The following ABL2 variants were observed in gnomAD, a reference collection of about 807,000 sequenced individuals.
The protein encoded by ABL2 is tyrosine-protein kinase ABL2.
Under a neutral mutation model 107.7 loss-of-function variants are expected in ABL2, and 49 were observed. The observed-to-expected ratio is 0.45, with a 90% CI of 0.36 to 0.58. ABL2 has a LOEUF of 0.58. ABL2 is among the 20% of genes least tolerant of loss of function. The pLI is 0.00. For synonymous variants in ABL2, 549 were observed against 548.6 expected (o/e 1.00, Z -0.01); for missense variants, 1,245 against 1,457.0 (o/e 0.85, Z 2.37).
rs558176672 is a variant in ABL2, at chr1:179,122,021, G to A, written c.688-154C>T. Among the ~76,000 whole-genome samples the A allele has an allele frequency of 3.8e-4, 55 of 143,710 alleles. 1 individual carries two copies. The highest frequency in any genetic ancestry group is 2.8e-4 in the Non-Finnish European group (19 of 67,000). 94.3% of individuals were successfully genotyped at this position (143,710 alleles called of 152,430 possible). A position where few individuals can be genotyped will look rare whatever the true frequency, so the allele number is the denominator to read the frequency against. On this transcript the variant is annotated intron_variant, in intron 4 of 11. Coordinates refer to ENST00000502732, the MANE Select transcript of ABL2 (RefSeq NM_007314.4). ...GCTCACTGCAAGCTCCGCCTCCCGGGTTCACGCCATTCTCCTGCCTCAGCC... is the reference window on the plus strand; with the variant it reads ...GCTCACTGCAAGCTCCGCCTCCCGGATTCACGCCATTCTCCTGCCTCAGCC...
intron 8 of ABL2, among the ~76,000 whole-genome samples, chr1:179,116,163 C>G (rs962822713): frequency 6.6e-6 from 1 of 152,190 alleles, no homozygotes; most frequent in Non-Finnish European, 1.5e-5. Context: ...CATTTGAGGT[C>G]AGGAGTTCGA....
chr1:179,227,024 C>G (rs1663255748), intron 1 of ABL2, among the ~76,000 whole-genome samples: 1 of 152,148 alleles, frequency 6.6e-6, no homozygotes. Context: ...CTTGAAATTA[C>G]TCCTCCCATT....
At chr1:179,226,401 C>G (rs1184903468) in intron 1 of ABL2, among the ~76,000 whole-genome samples, 1 of 150,968 alleles carries the variant, frequency 6.6e-6, no homozygotes, top group African/African-American at 2.4e-5. Flanking sequence ...CTCCACCTCC[C>G]GGGTTCAAGC....
chr1:179,135,299 C>T (rs1401172586), intron 1 of ABL2, among the ~76,000 whole-genome samples: 4 of 146,770 alleles, frequency 2.7e-5, no homozygotes, highest in Admixed American at 6.6e-5. Flanking sequence ...CGCCTCTTCC[C>T]GGCCGCCATC....
chr1:179,143,181 G>A, intron 1 of ABL2: 1 of 1,217,608 alleles, frequency 8.2e-7, no homozygotes, highest in South Asian at 2.3e-5. Flanking sequence ...CAATAAAATG[G>A]TGAGCATTCA....
intron 5 of ABL2, among the ~76,000 whole-genome samples, chr1:179,120,613 C>A (rs568879209): frequency 6.6e-6 from 1 of 151,904 alleles, no homozygotes; most frequent in African/African-American, 2.4e-5. Context: ...TTAGTAGAGA[C>A]GGGGTTTTGC....
intron 1 of ABL2, among the ~76,000 whole-genome samples, chr1:179,161,965 A>G (rs1306526349): frequency 6.6e-6 from 1 of 152,108 alleles, no homozygotes; most frequent in Admixed American, 6.6e-5. Context: ...CCCTTCCACC[A>G]GGTGATGTCT....
intron 1 of ABL2, among the ~76,000 whole-genome samples, chr1:179,164,289 TCATATC>T (rs1245604298): frequency 1.3e-5 from 2 of 152,204 alleles, no homozygotes; most frequent in Admixed American, 6.5e-5. Flanking sequence ...GCCATGAATG[TCATATC>T]ATAGGACACA....
chr1:179,192,091 C>G (rs373902464), intron 1 of ABL2, among the ~76,000 whole-genome samples: 2 of 152,108 alleles, frequency 1.3e-5, no homozygotes, highest in Non-Finnish European at 2.9e-5. Context: ...AATATTTGAA[C>G]CAATCATATT....
intron 1 of ABL2, among the ~76,000 whole-genome samples, chr1:179,145,420 G>A (rs1657912833): frequency 6.6e-6 from 1 of 152,008 alleles, no homozygotes; most frequent in African/African-American, 2.4e-5. Flanking sequence ...ATTTTAATGA[G>A]AAATTTGAAT....
chr1:179,147,970 T>C (rs934261955), intron 1 of ABL2, among the ~76,000 whole-genome samples: 3 of 152,164 alleles, frequency 2.0e-5, no homozygotes, highest in Non-Finnish European at 4.4e-5. Flanking sequence ...GCAGACGCTG[T>C]GTTTTTCACA....
chr1:179,114,170 G>A (rs535740504), intron 9 of ABL2, among the ~76,000 whole-genome samples: 34 of 152,024 alleles, frequency 2.2e-4, no homozygotes, highest in African/African-American at 7.0e-4. Context: ...CAGGAGAATC[G>A]CTTGAACCTG....
chr1:179,146,311 A>G (rs1253382831), intron 1 of ABL2, among the ~76,000 whole-genome samples: 1 of 152,154 alleles, frequency 6.6e-6, no homozygotes, highest in Non-Finnish European at 1.5e-5. Context: ...CTTGCAGATT[A>G]CTTGGATACA....
chr1:179,224,147 A>C lies in ABL2; in HGVS notation c.157+5094T>G, dbSNP rs973297712. 3.2e-4 allele frequency among the ~76,000 whole-genome samples: 48 copies of C among 150,224 alleles called. 1 individual carries two copies. The highest frequency in any genetic ancestry group is 5.8e-4 in the Non-Finnish European group (39 of 67,434). ...CCCTACTCACTACAAAAAAAAAAAA[A>C]AAAAAAAAAAACTACAGATCCAAAA... is the stretch of plus-strand genomic sequence containing the variant. On this transcript the variant is annotated intron_variant, in intron 1 of 11. Coordinates refer to ENST00000502732, the MANE Select transcript of ABL2 (RefSeq NM_007314.4).
chr1:179,125,172 T>C (rs568394171), intron 4 of ABL2, among the ~76,000 whole-genome samples: 2 of 152,318 alleles, frequency 1.3e-5, no homozygotes, highest in South Asian at 2.1e-4. Flanking sequence ...TGCCTAGTAA[T>C]AGAAACCATA....
rs542627498 is a variant in ABL2, at chr1:179,157,868, C to A, written c.158-24494G>T. Among the ~76,000 whole-genome samples the A allele has an allele frequency of 2.7e-3, 409 of 152,254 alleles. 2 individuals are homozygous for A. The highest frequency in any genetic ancestry group is 9.4e-3 in the African/African-American group (392 of 41,536). ...AACAGGCATGAGCCACTGCACCTGG[C>A]CCAAATTACAGAATCTTTAAGCATA... On this transcript the variant is annotated intron_variant, in intron 1 of 11. Transcript: ENST00000502732.
chr1:179,111,349 G>A (rs925371945), intron 10 of ABL2, among the ~76,000 whole-genome samples: 5 of 143,654 alleles, frequency 3.5e-5, no homozygotes, highest in African/African-American at 1.1e-4. Context: ...GCAGAGGTGC[G>A]ATCTCAGCTC....
chr1:179,158,602 CG>C (rs897905655), intron 1 of ABL2, among the ~76,000 whole-genome samples: 1 of 152,248 alleles, frequency 6.6e-6, no homozygotes, highest in Admixed American at 6.5e-5. Flanking sequence ...CAGTGACTAA[CG>C]TAAGTCCTTT....
At chr1:179,135,290 G>T (rs942557181) in intron 1 of ABL2, among the ~76,000 whole-genome samples, 2 of 146,524 alleles carry the variant, frequency 1.4e-5, no homozygotes, top group African/African-American at 5.5e-5. Flanking sequence ...AGTGAGGAGC[G>T]CCTCTTCCCG....
Sources: gnomAD v4.1 joint callset for allele counts (sites outside exome capture counted in the v4.1 genomes callset) on GRCh38, gnomAD v4.1.1 for gene constraint, MANE v1.5 for transcripts, NCBI Gene and HGNC (gene_info 2026-07-23, HGNC 2026-07-21) for gene names.